The following TYW1 variants were observed in gnomAD, a reference collection of about 807,000 sequenced individuals.
The protein encoded by TYW1 is tRNA-yW synthesizing protein 1 homolog.
TYW1 carries 46 observed loss-of-function variants against 96.2 expected under a neutral mutation model. The ratio of observed to expected loss-of-function variants is 0.48; its 90% CI spans 0.38 to 0.61. The LOEUF is 0.61. TYW1 is among the 20% of genes least tolerant of loss of function. TYW1 has a pLI of 0.00. For missense variants in TYW1, 684 were observed against 909.6 expected (o/e 0.75, Z 3.19); for synonymous variants, 274 against 323.0 (o/e 0.85, Z 1.63).
intron 7 of TYW1, among the ~76,000 whole-genome samples, chr7:67,043,105 A>G (rs1409423048): frequency 6.6e-6 from 1 of 151,944 alleles, no homozygotes; most frequent in Admixed American, 6.6e-5. Flanking sequence ...GCAATTTACC[A>G]TTTAACAGAT....
chr7:67,099,527 T>A (rs1797023476), intron 12 of TYW1, among the ~76,000 whole-genome samples: 1 of 152,174 alleles, frequency 6.6e-6, no homozygotes, highest in African/African-American at 2.4e-5. Flanking sequence ...TGGGATTAGA[T>A]GGTCTAGGAC....
intron 3 of TYW1, among the ~76,000 whole-genome samples, chr7:67,002,498 T>G (rs538744074): frequency 6.6e-6 from 1 of 152,336 alleles, no homozygotes; most frequent in African/African-American, 2.4e-5. Context: ...TTCCAGCATG[T>G]TAGTATTGCT....
intron 7 of TYW1, among the ~76,000 whole-genome samples, chr7:67,045,479 A>G (rs1439348858): frequency 6.6e-6 from 1 of 152,196 alleles, no homozygotes; most frequent in Non-Finnish European, 1.5e-5. Flanking sequence ...TGGCCTCTAA[A>G]AGTCCTGGGT....
At chr7:67,131,669 A>G (rs1396339615) in intron 13 of TYW1, among the ~76,000 whole-genome samples, 4 of 152,226 alleles carry the variant, frequency 2.6e-5, no homozygotes, top group Non-Finnish European at 5.9e-5. Flanking sequence ...GACTCGCACT[A>G]TCACAAGGTG....
intron 2 of TYW1, among the ~76,000 whole-genome samples, 183 bp downstream of exon 2, chr7:66,998,378 C>G (rs1793266762): frequency 6.6e-6 from 1 of 152,066 alleles, no homozygotes; most frequent in Non-Finnish European, 1.5e-5. Context: ...AAGTTCTTTA[C>G]TTTTTCTTTG....
In TYW1 at chr7:67,239,082, T is replaced by C; in HGVS notation, c.*553T>C. The stretch of plus-strand genomic sequence containing the variant: ...ATTATTTTTTAAATACTGCATAGAT[T>C]GAGTTTTGGTTTATTACCAACCCTT... On this transcript the variant is annotated 3_prime_UTR_variant, in exon 16 of 16. Transcript: ENST00000359626. The C allele has an allele frequency of 2.0e-6, 2 of 986,584 alleles. No individual in the cohort carries two copies. 61.1% of individuals were successfully genotyped at this position (986,584 alleles called of 1,614,324 possible).
chr7:67,152,528 G>C (rs1271227322), intron 13 of TYW1, among the ~76,000 whole-genome samples: 1 of 151,984 alleles, frequency 6.6e-6, no homozygotes, highest in Non-Finnish European at 1.5e-5. Flanking sequence ...CCGCCACCCT[G>C]TTTGCACACC....
intron 8 of TYW1, among the ~76,000 whole-genome samples, chr7:67,051,732 GTT>G (rs201852688): frequency 5.6e-5 from 7 of 123,952 alleles, no homozygotes; most frequent in Middle Eastern, 4.7e-3. Context: ...TTGTTTTTTT[GTT>G]TTTTTTTTTT....
chr7:67,042,890 G>A (rs1795076035), intron 7 of TYW1, among the ~76,000 whole-genome samples: 4 of 151,932 alleles, frequency 2.6e-5, no homozygotes, highest in Non-Finnish European at 4.4e-5. Context: ...CCAGCTACTC[G>A]GGAGACTGAG....
chr7:67,226,799 A>G (rs1801573029), intron 15 of TYW1, among the ~76,000 whole-genome samples: 9 of 152,074 alleles, frequency 5.9e-5, no homozygotes, highest in Admixed American at 5.9e-4. Flanking sequence ...ACCCCTCAGT[A>G]TTCCAAAATC....
intron 7 of TYW1, among the ~76,000 whole-genome samples, chr7:67,028,472 C>T (rs897230069): frequency 1.3e-5 from 2 of 152,116 alleles, no homozygotes; most frequent in Non-Finnish European, 1.5e-5. Flanking sequence ...GCAAAACACA[C>T]GAATAAGAAT....
chr7:67,214,419 T>C (rs1801141550), intron 15 of TYW1, among the ~76,000 whole-genome samples: 1 of 152,196 alleles, frequency 6.6e-6, no homozygotes, highest in Admixed American at 6.5e-5. Context: ...TTTGGGATCT[T>C]CTACATGTAT....
intron 7 of TYW1, among the ~76,000 whole-genome samples, chr7:67,040,232 G>C (rs1354307918): frequency 6.6e-6 from 1 of 152,018 alleles, no homozygotes; most frequent in African/African-American, 2.4e-5. Flanking sequence ...TGCTAGGATA[G>C]CCACCGGGCC....
intron 7 of TYW1, 107 bp from the exon 8 acceptor site, chr7:67,049,842 C>G: frequency 2.9e-6 from 4 of 1,398,862 alleles, no homozygotes; most frequent in Non-Finnish European, 2.9e-6. Flanking sequence ...CCACCGTGCC[C>G]GGCCTCATAA....
chr7:67,192,896 G>A (rs1159699579), intron 14 of TYW1, among the ~76,000 whole-genome samples: 1 of 152,170 alleles, frequency 6.6e-6, no homozygotes, highest in Non-Finnish European at 1.5e-5. Context: ...AGTGATTGGT[G>A]GAAGGAAAGG....
chr7:67,027,922 T>C (rs2129248468), intron 7 of TYW1, among the ~76,000 whole-genome samples: 1 of 110,118 alleles, frequency 9.1e-6, no homozygotes, highest in South Asian at 3.0e-4. Flanking sequence ...AGAGCGAGAC[T>C]CCATCTCAAA....
chr7:67,057,629 C>T (rs1165698245), intron 9 of TYW1, among the ~76,000 whole-genome samples: 1 of 152,198 alleles, frequency 6.6e-6, no homozygotes, highest in Non-Finnish European at 1.5e-5. Context: ...CCTCAGCCTC[C>T]CAAAGTGCTG....
At chr7:67,068,050 T>G (rs1358209905) in intron 10 of TYW1, among the ~76,000 whole-genome samples, 2 of 151,590 alleles carry the variant, frequency 1.3e-5, no homozygotes, top group East Asian at 3.9e-4. Context: ...AGATGGAGTT[T>G]CGCTCTTGTT....
At chr7:67,066,094 C>T (rs1465951013) in intron 9 of TYW1, among the ~76,000 whole-genome samples, 4 of 151,944 alleles carry the variant, frequency 2.6e-5, no homozygotes, top group Non-Finnish European at 4.4e-5. Context: ...TCTCCTTGTT[C>T]GTTGTTGGTA....
Sources: gnomAD v4.1 joint callset for allele counts (sites outside exome capture counted in the v4.1 genomes callset) on GRCh38, gnomAD v4.1.1 for gene constraint, MANE v1.5 for transcripts, NCBI Gene and HGNC (gene_info 2026-07-23, HGNC 2026-07-21) for gene names.